Variants in NPIPB11 observed in about 807,000 individuals in gnomAD.
The protein encoded by NPIPB11 is nuclear pore complex-interacting protein family member B11.
In NPIPB11, 17 loss-of-function variants were observed where a neutral mutation model predicts 32.8. That is an observed-to-expected ratio of 0.52 (90% CI 0.35 to 0.78). The LOEUF is 0.78. Ranked by LOEUF, NPIPB11 falls within the 30% of genes least tolerant of loss-of-function variation. The probability of loss-of-function intolerance (pLI) is 0.01; values close to 1 mark genes in which losing one functional copy is unlikely to be tolerated. For synonymous variants in NPIPB11, 209 were observed against 398.4 expected, an observed-to-expected ratio of 0.52 and a Z score of 5.66; for missense variants, 537 against 1,000.4, an observed-to-expected ratio of 0.54 and a Z score of 6.25.
intron 2 of NPIPB11, among the ~76,000 whole-genome samples, chr16:29,400,931 T>C (rs536991671): frequency 6.6e-6 from 1 of 151,622 alleles, no homozygotes; most frequent in Non-Finnish European, 1.5e-5. Context: ...CACAGACGAT[T>C]CCCTGTCCCT....
chr16:29,402,698 GTCTCTCTCTCTC>G (rs762980727), intron 2 of NPIPB11, among the ~76,000 whole-genome samples: 1 of 118,842 alleles, frequency 8.4e-6, no homozygotes, highest in Non-Finnish European at 1.7e-5. Context: ...GTGAAACTCT[GTCTCTCTCTCTC>G]TCTCTCTCTC....
At chr16:29,398,852 CT>C (rs755118018) in intron 2 of NPIPB11, among the ~76,000 whole-genome samples, 94 of 152,252 alleles carry the variant, frequency 6.2e-4, no homozygotes, top group Admixed American at 1.1e-3. Flanking sequence ...CAAATCCCCC[CT>C]AACCCACCTA....
At chr16:29,404,644 G>A (rs548389505), upstream of NPIPB11, among the ~76,000 whole-genome samples, 123 of 151,116 alleles carry the variant, frequency 8.1e-4, no homozygotes, top group Non-Finnish European at 1.3e-3. Context: ...CCAAGACTGG[G>A]TAGTTCCGGC....
upstream of NPIPB11, among the ~76,000 whole-genome samples, chr16:29,406,119 A>G (rs1201034034): frequency 3.3e-5 from 5 of 152,260 alleles, no homozygotes; most frequent in Non-Finnish European, 7.3e-5. Flanking sequence ...TTTTGGCTTA[A>G]AACTAACTTT....
At chr16:29,390,278 G>T in exon 4 of NPIPB11, 2 of 1,587,008 alleles carry the variant, frequency 1.3e-6, no homozygotes, top group South Asian at 1.1e-5. Flanking sequence ...GGACCTCCAG[G>T]CTCTCTGCTG....
chr16:29,393,356 T>C (rs1357207070), intron 3 of NPIPB11, among the ~76,000 whole-genome samples: 1 of 151,284 alleles, frequency 6.6e-6, no homozygotes, highest in African/African-American at 2.4e-5. Context: ...AATTGTTTGT[T>C]CCTTGGCCTC....
At chr16:29,401,288 A>AGATCAACTCTCTCAATGTTCCCAT (rs1963985447) in intron 2 of NPIPB11, among the ~76,000 whole-genome samples, 1 of 152,148 alleles carries the variant, frequency 6.6e-6, no homozygotes, top group Admixed American at 6.5e-5. Flanking sequence ...ATATCCTTCC[A>AGATCAACTCTCTCAATGTTCCCAT]GATCAACTCT....
exon 8 of NPIPB11, chr16:29,383,580 T>C (rs1381278376): frequency 9.0e-7 from 1 of 1,114,378 alleles, no homozygotes; most frequent in Non-Finnish European, 1.2e-6. Context: ...GATATTATCA[T>C]CTGCTGAGGG....
chr16:29,406,180 T>C (rs1189807411), upstream of NPIPB11, among the ~76,000 whole-genome samples: 2 of 152,256 alleles, frequency 1.3e-5, no homozygotes, highest in Non-Finnish European at 2.9e-5. Flanking sequence ...GTATCTCTCA[T>C]CTTGTAGAGG....
At chr16:29,397,407 C>T (rs113131686) in intron 2 of NPIPB11, among the ~76,000 whole-genome samples, 76,663 of 150,080 alleles carry the variant, frequency 0.51, 20,065 homozygotes, top group Middle Eastern at 0.65. Context: ...GATGGGGTTT[C>T]GCCATGATGC....
In NPIPB11 at chr16:29,389,958, C is replaced by T. The variant is rs1963672908; in HGVS notation, c.528G>A (p.Arg176=). 7 of 1,591,496 alleles carry T rather than the reference C, an allele frequency of 4.4e-6. No individual in the cohort carries two copies. The African/African-American group carries it at 9.4e-5, about 21-fold the overall frequency. Residue 176 remains arginine, a synonymous_variant, in exon 5 of 8, where the codon AGG becomes AGA. Coordinates refer to ENST00000524087, the Ensembl canonical transcript of NPIPB11. ...CATCTTACTGTTTTCTGGCGGTCTT[C>T]CTCTTTCCATTGATTTTGTCATGAC...
At chr16:29,404,527 T>A (rs1237526560), upstream of NPIPB11, among the ~76,000 whole-genome samples, 5 of 104,378 alleles carry the variant, frequency 4.8e-5, no homozygotes, top group African/African-American at 1.9e-4. Flanking sequence ...GATGATCTCC[T>A]TCCAAATCTT....
At chr16:29,398,875 A>G in intron 2 of NPIPB11, among the ~76,000 whole-genome samples, 1 of 152,042 alleles carries the variant, frequency 6.6e-6, no homozygotes. Context: ...ACATTTTAAC[A>G]TCCGAAACCG....
At chr16:29,383,119 C>G (rs762519777) in exon 8 of NPIPB11, 4 of 1,591,586 alleles carry the variant, frequency 2.5e-6, no homozygotes, top group Admixed American at 1.7e-5. Context: ...AGTGAGCTGA[C>G]GCTCGGAAGG....
intron 2 of NPIPB11, among the ~76,000 whole-genome samples, chr16:29,401,108 T>C (rs1168665665): frequency 1.3e-5 from 2 of 152,028 alleles, no homozygotes; most frequent in Non-Finnish European, 2.9e-5. Context: ...TTTAGCACAA[T>C]ACATGCACGA....
At chr16:29,393,985 T>C (rs1963785038) in exon 3 of NPIPB11, 3 of 1,599,358 alleles carry the variant, frequency 1.9e-6, no homozygotes, top group Admixed American at 1.7e-5. Context: ...GACAACTTTA[T>C]AACTTGTCGG....
chr16:29,382,304 G>A, exon 8 of NPIPB11: 1 of 1,591,884 alleles, frequency 6.3e-7, no homozygotes, highest in Non-Finnish European at 8.5e-7. Flanking sequence ...CGCTCGGCAG[G>A]TGTCTTGATA....
exon 5 of NPIPB11, chr16:29,390,012 A>T: frequency 6.3e-7 from 1 of 1,592,984 alleles, no homozygotes; most frequent in Admixed American, 1.7e-5. Flanking sequence ...CCTTCCTCTT[A>T]CGGATTTTAG....
At chr16:29,405,291 C>T (rs1277328243), upstream of NPIPB11, among the ~76,000 whole-genome samples, 1 of 151,592 alleles carries the variant, frequency 6.6e-6, no homozygotes, top group Non-Finnish European at 1.5e-5. Context: ...TCTTCCCCAC[C>T]TCCTTTTCTG....
Sources: gnomAD v4.1 joint callset for allele counts (sites outside exome capture counted in the v4.1 genomes callset) on GRCh38, gnomAD v4.1.1 for gene constraint, MANE v1.5 for transcripts, NCBI Gene and HGNC (gene_info 2026-07-23, HGNC 2026-07-21) for gene names.